NPAS3: variants seen among roughly 807,000 people sequenced by gnomAD.
NPAS3 encodes the protein neuronal PAS domain protein 3, also known as neuronal PAS domain-containing protein 3.
A neutral mutation model predicts 73.1 loss-of-function variants in NPAS3; 14 were observed. The ratio of observed to expected loss-of-function variants is 0.19; its 90% CI spans 0.13 to 0.30. The LOEUF (loss-of-function observed/expected upper bound fraction) is 0.30. Among genes scored for constraint, NPAS3 ranks in the 10% least tolerant of loss-of-function variants. NPAS3 has a pLI of 1.00. For synonymous variants in NPAS3, 620 were observed against 541.5 expected (o/e 1.14, Z -2.01); for missense variants, 1,096 against 1,250.0 (o/e 0.88, Z 1.86).
At chr14:33,096,300 G>A (rs2042418024) in intron 2 of NPAS3, among the ~76,000 whole-genome samples, 1 of 152,048 alleles carries the variant, frequency 6.6e-6, no homozygotes, top group Non-Finnish European at 1.5e-5. Flanking sequence ...AGCTCAGCTA[G>A]AAAGTACTAG....
chr14:33,054,933 A>C (rs1006514010), intron 1 of NPAS3, among the ~76,000 whole-genome samples: 2 of 152,130 alleles, frequency 1.3e-5, no homozygotes, highest in Admixed American at 6.5e-5. Flanking sequence ...TTTATAAAGT[A>C]GCATGATCCA....
chr14:33,692,920 T>TAACA lies in NPAS3; in HGVS notation c.733+16537_733+16540dup, dbSNP rs1403836101. Among the ~76,000 whole-genome samples the TAACA allele has an allele frequency of 1.2e-4, 16 of 138,412 alleles. No individual in the cohort carries two copies. The South Asian group carries it at 4.2e-3, about 36-fold the overall frequency. The allele number at this position is 138,412 out of a possible 152,430, so 90.8% of individuals were successfully genotyped here. A position where few individuals can be genotyped will look rare whatever the true frequency, so the allele number is the denominator to read the frequency against. On this transcript the variant is annotated intron_variant, in intron 6 of 11. Coordinates refer to ENST00000356141, the Ensembl canonical transcript of NPAS3. ...AGCAAAATATCAGCAGTGCCCAGAA[T>TAACA]AACAACTGAACTTGTAGCAAAGTGA...
intron 7 of NPAS3, among the ~76,000 whole-genome samples, chr14:33,768,733 G>A (rs2062545112): frequency 6.6e-6 from 1 of 152,132 alleles, no homozygotes; most frequent in Non-Finnish European, 1.5e-5. Context: ...ACCAGAACCA[G>A]GACTGAAAAC....
chr14:33,147,730 A>AAAATATATAT (rs372663411), intron 2 of NPAS3, among the ~76,000 whole-genome samples: 13 of 130,366 alleles, frequency 1.0e-4, no homozygotes, highest in South Asian at 4.8e-4. Context: ...TAGAATAAAA[A>AAAATATATAT]ATATATATAT....
At chr14:33,432,021 A>G (rs2048804689) in intron 4 of NPAS3, among the ~76,000 whole-genome samples, 2 of 152,216 alleles carry the variant, frequency 1.3e-5, no homozygotes, top group Admixed American at 1.3e-4. Flanking sequence ...GTTTGAGAAT[A>G]CATAGTTATT....
chr14:33,773,282 T>G (rs754659902), intron 7 of NPAS3, among the ~76,000 whole-genome samples: 4 of 152,150 alleles, frequency 2.6e-5, no homozygotes, highest in Non-Finnish European at 4.4e-5. Context: ...ATATGGACAC[T>G]CAGCCACTAA....
intron 4 of NPAS3, among the ~76,000 whole-genome samples, chr14:33,474,069 T>C (rs969281334): frequency 9.9e-5 from 15 of 152,094 alleles, no homozygotes; most frequent in Non-Finnish European, 1.9e-4. Context: ...ATCACTGAGA[T>C]CCTGCACCCC....
chr14:33,515,216 A>G (rs17101423), intron 4 of NPAS3, among the ~76,000 whole-genome samples: 10,630 of 152,200 alleles, frequency 0.07, 434 homozygotes, highest in Middle Eastern at 0.088. Flanking sequence ...AGGGATACCT[A>G]CAATTCCCAG....
chr14:33,333,029 G>C (rs989210278), intron 3 of NPAS3, among the ~76,000 whole-genome samples: 2 of 152,188 alleles, frequency 1.3e-5, no homozygotes, highest in African/African-American at 2.4e-5. Flanking sequence ...GATTTGGGCT[G>C]CCACCTGTGG....
intron 4 of NPAS3, among the ~76,000 whole-genome samples, chr14:33,516,062 G>A (rs1478824385): frequency 1.3e-5 from 2 of 151,782 alleles, no homozygotes; most frequent in Non-Finnish European, 2.9e-5. Context: ...AACCCTCATA[G>A]CATCTCTGCT....
intron 2 of NPAS3, among the ~76,000 whole-genome samples, chr14:33,138,031 G>A (rs1419698035): frequency 6.7e-6 from 1 of 150,072 alleles, no homozygotes; most frequent in Non-Finnish European, 1.5e-5. Flanking sequence ...ATCTTGTGGA[G>A]AATTGGACAT....
chr14:33,509,418 C>T (rs1566960309), intron 4 of NPAS3, among the ~76,000 whole-genome samples: 1 of 151,958 alleles, frequency 6.6e-6, no homozygotes, highest in South Asian at 2.1e-4. Flanking sequence ...AATGACTTGC[C>T]CTGATCCAGT....
chr14:33,778,378 T>C, intron 8 of NPAS3, 88 bp from the exon 9 acceptor site: 1 of 920,378 alleles, frequency 1.1e-6, no homozygotes. Context: ...TATAATGAAA[T>C]GTGTCAGTAG....
At chr14:33,686,890 A>G (rs1347701725) in intron 6 of NPAS3, among the ~76,000 whole-genome samples, 3 of 152,216 alleles carry the variant, frequency 2.0e-5, no homozygotes, top group Non-Finnish European at 4.4e-5. Flanking sequence ...ACTTATGTTC[A>G]CTGGCCTTGA....
intron 1 of NPAS3, among the ~76,000 whole-genome samples, chr14:33,035,879 G>A (rs1391801094): frequency 6.6e-6 from 1 of 152,182 alleles, no homozygotes; most frequent in Non-Finnish European, 1.5e-5. Flanking sequence ...TTTCCTAGTG[G>A]ATGTGTGGCT....
At chr14:33,635,948 TAA>T (rs2058502371) in intron 5 of NPAS3, among the ~76,000 whole-genome samples, 1 of 152,154 alleles carries the variant, frequency 6.6e-6, no homozygotes, top group South Asian at 2.1e-4. Flanking sequence ...CGACTAGACC[TAA>T]CTTTTTTTTT....
At chr14:33,050,095 C>A (rs1351651240) in intron 1 of NPAS3, among the ~76,000 whole-genome samples, 1 of 152,098 alleles carries the variant, frequency 6.6e-6, no homozygotes, top group African/African-American at 2.4e-5. Context: ...TGGAATCAGA[C>A]TCCTAGGTCA....
intron 4 of NPAS3, among the ~76,000 whole-genome samples, chr14:33,466,680 T>C (rs1259574054): frequency 6.6e-6 from 1 of 152,076 alleles, no homozygotes; most frequent in African/African-American, 2.4e-5. Flanking sequence ...ACAATCGTGG[T>C]GGAAGGCAAA....
rs142761528 is a variant in NPAS3 at position 33,008,031 on chromosome 14, T to A, written c.51-47874T>A. On this transcript the variant is annotated intron_variant, in intron 1 of 11. Coordinates refer to ENST00000356141, the Ensembl canonical transcript of NPAS3. ...TTAAAGAAGAAAGAAAAAAATATCC[T>A]GTATCATATTGTTTACCAAGGAATT... Among the ~76,000 whole-genome samples, 127 of 152,358 alleles carry A rather than the reference T, an allele frequency of 8.3e-4. 1 individual carries two copies. Among genetic ancestry groups the A allele is most frequent in the African/African-American group, 2.5e-3 (105 of 41,592 alleles).
Sources: gnomAD v4.1 joint callset for allele counts (sites outside exome capture counted in the v4.1 genomes callset) on GRCh38, gnomAD v4.1.1 for gene constraint, MANE v1.5 for transcripts, NCBI Gene and HGNC (gene_info 2026-07-23, HGNC 2026-07-21) for gene names.